The following SLC25A21 variants were observed in gnomAD, a reference collection of about 807,000 sequenced individuals.
SLC25A21 encodes the protein mitochondrial 2-oxodicarboxylate carrier.
A neutral mutation model predicts 43.8 loss-of-function variants in SLC25A21; 47 were observed. The ratio of observed to expected loss-of-function variants is 1.07; its 90% CI spans 0.85 to 1.37. The LOEUF (loss-of-function observed/expected upper bound fraction) is 1.37, where lower values mean the gene tolerates loss of function less well. SLC25A21 is among the 40% of genes most tolerant of loss of function. The pLI is 0.00. For missense variants in SLC25A21, 352 were observed against 350.2 expected (o/e 1.00, Z -0.04); for synonymous variants, 131 against 121.3 (o/e 1.08, Z -0.52).
At chr14:37,142,708 T>G (rs1244117741) in intron 1 of SLC25A21, among the ~76,000 whole-genome samples, 1 of 152,144 alleles carries the variant, frequency 6.6e-6, no homozygotes, top group Non-Finnish European at 1.5e-5. Flanking sequence ...ACAGAAGAAT[T>G]ACCTCCGAGG....
intron 2 of SLC25A21, among the ~76,000 whole-genome samples, chr14:36,865,416 A>G (rs768904612): frequency 2.6e-5 from 4 of 152,088 alleles, no homozygotes; most frequent in Non-Finnish European, 5.9e-5. Flanking sequence ...CCCACTCAGT[A>G]GGACAGAATG....
chr14:37,137,032 G>A (rs531231978), intron 1 of SLC25A21, among the ~76,000 whole-genome samples: 8 of 152,064 alleles, frequency 5.3e-5, no homozygotes, highest in Admixed American at 1.3e-4. Flanking sequence ...ATGGAGTCTC[G>A]CTCTGTCGCC....
intron 1 of SLC25A21, among the ~76,000 whole-genome samples, chr14:37,012,627 T>C (rs1478234798): frequency 1.3e-5 from 2 of 152,236 alleles, no homozygotes; most frequent in Non-Finnish European, 2.9e-5. Flanking sequence ...GACTCATTAT[T>C]TCATGATTCC....
chr14:37,108,907 A>G (rs1594797379), intron 1 of SLC25A21, among the ~76,000 whole-genome samples: 1 of 151,976 alleles, frequency 6.6e-6, no homozygotes, highest in African/African-American at 2.4e-5. Context: ...ATTTCCATCC[A>G]CCTACTCCCC....
chr14:36,750,913 A>G (rs1359912280), intron 3 of SLC25A21, among the ~76,000 whole-genome samples: 1 of 152,106 alleles, frequency 6.6e-6, no homozygotes, highest in Non-Finnish European at 1.5e-5. Flanking sequence ...GGAGTGCTTC[A>G]TGCCTCTGCT....
intron 1 of SLC25A21, among the ~76,000 whole-genome samples, chr14:37,059,377 C>T (rs1377197354): frequency 1.3e-5 from 2 of 152,118 alleles, no homozygotes; most frequent in Non-Finnish European, 2.9e-5. Context: ...GTCTGGTAAC[C>T]GAGTCTGTAC....
At chr14:37,106,542 C>G (rs890176641) in intron 1 of SLC25A21, among the ~76,000 whole-genome samples, 5 of 152,032 alleles carry the variant, frequency 3.3e-5, no homozygotes, top group Non-Finnish European at 5.9e-5. Context: ...AAAAAACAAC[C>G]CTGTTTTCTG....
intron 2 of SLC25A21, among the ~76,000 whole-genome samples, chr14:36,841,759 C>A (rs1889391622): frequency 6.6e-6 from 1 of 152,114 alleles, no homozygotes; most frequent in African/African-American, 2.4e-5. Context: ...GCCGTGGGCT[C>A]AACAACCTCC....
chr14:36,922,539 C>CT lies in SLC25A21; in HGVS notation c.71-47536dup, dbSNP rs35613811. On this transcript the variant is annotated intron_variant, in intron 1 of 9. Transcript: ENST00000331299. ...CTTCAGAAATCCTCATAAAGGCCCT[C>CT]TTTTTTTTTTTTGTTAAATTGTTGG... Among the ~76,000 whole-genome samples the CT allele has an allele frequency of 8.7e-4, 128 of 147,780 alleles. 1 individual carries two copies. The East Asian group carries it at 0.01, about 12-fold the overall frequency.
chr14:36,988,282 C>A (rs1960189400), intron 1 of SLC25A21, among the ~76,000 whole-genome samples: 1 of 152,162 alleles, frequency 6.6e-6, no homozygotes, highest in Non-Finnish European at 1.5e-5. Context: ...TTTTTCCTTG[C>A]CCCTGGTTAG....
chr14:36,963,639 C>G (rs976598652), intron 1 of SLC25A21, among the ~76,000 whole-genome samples: 2 of 152,126 alleles, frequency 1.3e-5, no homozygotes, highest in African/African-American at 2.4e-5. Context: ...ACCTTTAACC[C>G]TATCTGCAAC....
chr14:37,036,074 C>T (rs1961320054), intron 1 of SLC25A21, among the ~76,000 whole-genome samples: 1 of 152,132 alleles, frequency 6.6e-6, no homozygotes, highest in Non-Finnish European at 1.5e-5. Flanking sequence ...GGCTTTTACT[C>T]CCACCTTGCC....
chr14:36,968,289 C>A (rs369049895), intron 1 of SLC25A21, among the ~76,000 whole-genome samples: 68 of 152,332 alleles, frequency 4.5e-4, no homozygotes, highest in African/African-American at 1.5e-3. Context: ...GGAACGACAG[C>A]ACAGCTAAGC....
chr14:37,123,534 A>C (rs1594804605), intron 1 of SLC25A21, among the ~76,000 whole-genome samples: 1 of 152,214 alleles, frequency 6.6e-6, no homozygotes, highest in East Asian at 1.9e-4. Context: ...AACAGTAAAA[A>C]ACTAGAAAGA....
intron 4 of SLC25A21, among the ~76,000 whole-genome samples, chr14:36,730,681 T>C (rs1293119521): frequency 2.6e-5 from 4 of 152,220 alleles, no homozygotes; most frequent in African/African-American, 9.6e-5. Context: ...TTTTGTGCCA[T>C]GGTCTTTCAA....
At chr14:36,693,444 A>ATT (rs1372249420) in intron 7 of SLC25A21, among the ~76,000 whole-genome samples, 2 of 152,214 alleles carry the variant, frequency 1.3e-5, no homozygotes, top group African/African-American at 4.8e-5. Context: ...AACATTAAAA[A>ATT]TTATCATCAT....
At chr14:36,906,956 C>T (rs1891551880) in intron 1 of SLC25A21, among the ~76,000 whole-genome samples, 1 of 152,158 alleles carries the variant, frequency 6.6e-6, no homozygotes, top group Non-Finnish European at 1.5e-5. Context: ...TGCCTGTTAA[C>T]TTACTTTCTA....
chr14:36,793,124 T>C (rs1249687215), intron 3 of SLC25A21, among the ~76,000 whole-genome samples: 1 of 152,166 alleles, frequency 6.6e-6, no homozygotes, highest in African/African-American at 2.4e-5. Flanking sequence ...TGCACATGTT[T>C]AGTACGAACA....
chr14:36,682,652 G>A (rs1183585343), intron 9 of SLC25A21, among the ~76,000 whole-genome samples: 2 of 152,092 alleles, frequency 1.3e-5, no homozygotes, highest in East Asian at 1.9e-4. Context: ...TTTACTCTGC[G>A]GTGAAGGAAA....
Sources: gnomAD v4.1 joint callset for allele counts (sites outside exome capture counted in the v4.1 genomes callset) on GRCh38, gnomAD v4.1.1 for gene constraint, MANE v1.5 for transcripts, NCBI Gene and HGNC (gene_info 2026-07-23, HGNC 2026-07-21) for gene names.